ELMO1: variants seen among roughly 807,000 people sequenced by gnomAD.
ELMO1 encodes engulfment and cell motility 1.
In ELMO1, 26 loss-of-function variants were observed where a neutral mutation model predicts 98.9. That is an observed-to-expected ratio of 0.26 (90% CI 0.19 to 0.36). ELMO1 has a LOEUF of 0.36. ELMO1 is among the 10% of genes least tolerant of loss of function. The pLI is 1.00. For synonymous variants in ELMO1, 346 were observed against 346.0 expected, an observed-to-expected ratio of 1.00 and a Z score of 0.00; for missense variants, 627 against 935.2, an observed-to-expected ratio of 0.67 and a Z score of 4.30.
chr7:37,010,907 T>A (rs143087776), intron 16 of ELMO1, among the ~76,000 whole-genome samples: 118 of 152,380 alleles, frequency 7.7e-4, no homozygotes, highest in African/African-American at 2.8e-3. Context: ...GTATTTAATG[T>A]AGAAAATTAA....
chr7:37,405,010 G>A (rs910203892), intron 1 of ELMO1, among the ~76,000 whole-genome samples: 1 of 152,126 alleles, frequency 6.6e-6, no homozygotes, highest in African/African-American at 2.4e-5. Context: ...AGAATAAGGC[G>A]TTTGCTGAGC....
chr7:37,043,419 G>A (rs1445391101), intron 15 of ELMO1, among the ~76,000 whole-genome samples: 1 of 152,202 alleles, frequency 6.6e-6, no homozygotes, highest in Non-Finnish European at 1.5e-5. Flanking sequence ...AAGCAGAGGA[G>A]TGGCTGCCAG....
At chr7:36,999,019 A>G (rs991182499) in intron 16 of ELMO1, among the ~76,000 whole-genome samples, 1 of 152,062 alleles carries the variant, frequency 6.6e-6, no homozygotes, top group Non-Finnish European at 1.5e-5. Context: ...AATGATGCAA[A>G]GATTAGAAAT....
At chr7:36,884,711 C>T (rs1183494565) in intron 18 of ELMO1, among the ~76,000 whole-genome samples, 1 of 152,224 alleles carries the variant, frequency 6.6e-6, no homozygotes, top group Admixed American at 6.5e-5. Flanking sequence ...CAAGTATCAA[C>T]TCGGGGACCT....
intron 4 of ELMO1, among the ~76,000 whole-genome samples, chr7:37,273,683 C>A (rs962492865): frequency 2.6e-5 from 4 of 152,112 alleles, no homozygotes; most frequent in Non-Finnish European, 5.9e-5. Context: ...CAGGACTCAC[C>A]GTGGTCGCAT....
At chr7:37,301,492 G>A (rs1798342002) in intron 4 of ELMO1, among the ~76,000 whole-genome samples, 1 of 152,124 alleles carries the variant, frequency 6.6e-6, no homozygotes, top group South Asian at 2.1e-4. Context: ...GCTTGTGCTT[G>A]ATGACCAAGG....
At chr7:36,908,690 A>C (rs1211193643) in intron 16 of ELMO1, among the ~76,000 whole-genome samples, 1 of 152,242 alleles carries the variant, frequency 6.6e-6, no homozygotes, top group African/African-American at 2.4e-5. Flanking sequence ...ATTTAAGAAG[A>C]GCGTACATCT....
intron 2 of ELMO1, among the ~76,000 whole-genome samples, chr7:37,333,443 G>C (rs1236313494): frequency 6.6e-6 from 1 of 152,166 alleles, no homozygotes; most frequent in Non-Finnish European, 1.5e-5. Context: ...GAACAGAAGA[G>C]AATCCCACCA....
At chr7:37,065,602 C>T (rs1796913640) in intron 15 of ELMO1, among the ~76,000 whole-genome samples, 1 of 152,112 alleles carries the variant, frequency 6.6e-6, no homozygotes, top group African/African-American at 2.4e-5. Context: ...CTGTTCTTCC[C>T]ACTCCAAATT....
chr7:37,408,301 C>T (rs1803857165), intron 1 of ELMO1, among the ~76,000 whole-genome samples: 1 of 152,188 alleles, frequency 6.6e-6, no homozygotes, highest in Non-Finnish European at 1.5e-5. Flanking sequence ...TCTGGGCAGT[C>T]TGGCTACCTG....
chr7:36,954,506 G>A (rs76030195), intron 16 of ELMO1, among the ~76,000 whole-genome samples: 2 of 152,046 alleles, frequency 1.3e-5, no homozygotes, highest in East Asian at 1.9e-4. Flanking sequence ...CAGCAAGCAG[G>A]GTAATCTGTT....
At chr7:37,275,151 C>G (rs1796762631) in intron 4 of ELMO1, among the ~76,000 whole-genome samples, 1 of 152,200 alleles carries the variant, frequency 6.6e-6, no homozygotes, top group South Asian at 2.1e-4. Flanking sequence ...TGCATTTACC[C>G]TCAGAGGAAG....
At chr7:37,150,556 T>C (rs1373110373) in intron 13 of ELMO1, among the ~76,000 whole-genome samples, 1 of 152,170 alleles carries the variant, frequency 6.6e-6, no homozygotes, top group Non-Finnish European at 1.5e-5. Flanking sequence ...AAATATAAAA[T>C]GCATGCTAGT....
intron 1 of ELMO1, among the ~76,000 whole-genome samples, chr7:37,422,989 G>T (rs1158227563): frequency 1.3e-5 from 2 of 152,214 alleles, no homozygotes; most frequent in Non-Finnish European, 2.9e-5. Flanking sequence ...ATGGGGAATT[G>T]AGATTCAGAA....
chr7:36,902,470 C>G (rs906824707), intron 16 of ELMO1, among the ~76,000 whole-genome samples: 1 of 152,202 alleles, frequency 6.6e-6, no homozygotes, highest in African/African-American at 2.4e-5. Context: ...TGTAAGTCCT[C>G]CTCTGTAGGA....
intron 1 of ELMO1, among the ~76,000 whole-genome samples, chr7:37,431,553 TTGAGAG>T (rs761642904): frequency 5.4e-4 from 82 of 152,246 alleles, no homozygotes; most frequent in Non-Finnish European, 9.3e-4. Flanking sequence ...ATCCTCAGAC[TTGAGAG>T]TCAGTTTATA....
chr7:36,897,486 C>T (rs1208175382), intron 16 of ELMO1, among the ~76,000 whole-genome samples: 1 of 151,632 alleles, frequency 6.6e-6, no homozygotes, highest in Admixed American at 6.6e-5. Flanking sequence ...TCACGTGCAA[C>T]CAAAGAATCC....
chr7:37,007,563 G>A (rs537523224), intron 16 of ELMO1, among the ~76,000 whole-genome samples: 2 of 152,154 alleles, frequency 1.3e-5, no homozygotes, highest in African/African-American at 2.4e-5. Context: ...ACAGAGCGCC[G>A]TCTGCACCAC....
intron 1 of ELMO1, among the ~76,000 whole-genome samples, chr7:37,409,608 G>A (rs766454756): frequency 4.1e-4 from 63 of 152,346 alleles, no homozygotes; most frequent in Non-Finnish European, 7.5e-4. Context: ...AGCCAGGCCC[G>A]TGGGCCAGAG....
Sources: allele counts gnomAD v4.1 joint callset (sites outside exome capture counted in the v4.1 genomes callset), GRCh38; gene constraint gnomAD v4.1.1; transcripts MANE v1.5; gene names NCBI Gene and HGNC (gene_info 2026-07-23, HGNC 2026-07-21).